GRM5: variants seen among roughly 807,000 people sequenced by gnomAD.
The protein encoded by GRM5 is metabotropic glutamate receptor 5.
A neutral mutation model predicts 83.1 loss-of-function variants in GRM5; 19 were observed. That is an observed-to-expected ratio of 0.23 (90% CI 0.16 to 0.34). The LOEUF is 0.34. Ranked by LOEUF, GRM5 falls within the 10% of genes least tolerant of loss-of-function variation. GRM5 has a pLI of 1.00. For missense variants in GRM5, 1,160 were observed against 1,588.3 expected, an observed-to-expected ratio of 0.73 and a Z score of 4.58; for synonymous variants, 675 against 633.6, an observed-to-expected ratio of 1.07 and a Z score of -0.98.
chr11:88,843,847 TA>T (rs1420429673), intron 3 of GRM5, among the ~76,000 whole-genome samples: 1 of 152,220 alleles, frequency 6.6e-6, no homozygotes, highest in Non-Finnish European at 1.5e-5. Flanking sequence ...AACATTCTTG[TA>T]AACCAAAATT....
At chr11:88,670,748 C>T (rs1226023615) in intron 3 of GRM5, among the ~76,000 whole-genome samples, 1 of 151,954 alleles carries the variant, frequency 6.6e-6, no homozygotes, top group Non-Finnish European at 1.5e-5. Context: ...AAAACCACTA[C>T]GAATAGCACT....
chr11:88,604,040 A>G (rs941401100), intron 5 of GRM5, among the ~76,000 whole-genome samples: 1 of 152,152 alleles, frequency 6.6e-6, no homozygotes, highest in Non-Finnish European at 1.5e-5. Flanking sequence ...TAAGTCTTAA[A>G]TGACTATGTA....
At chr11:88,823,238 A>G (rs970570771) in intron 3 of GRM5, among the ~76,000 whole-genome samples, 4 of 151,016 alleles carry the variant, frequency 2.6e-5, no homozygotes, top group African/African-American at 9.7e-5. Context: ...TTTGTGGAAT[A>G]TAATAATGTA....
At chr11:88,648,941 T>TAAA (rs1203126047) in intron 4 of GRM5, among the ~76,000 whole-genome samples, 1,287 of 150,828 alleles carry the variant, frequency 8.5e-3, no homozygotes, top group African/African-American at 0.03. Flanking sequence ...TTTAAACTGA[T>TAAA]GCAATTCTTT....
Position 88,509,088 on chromosome 11 carries a change from G to T in GRM5, c.3143C>A (p.Ala1048Glu), listed in dbSNP as rs1160057536. The T allele has an allele frequency of 5.8e-6, 9 of 1,550,052 alleles. No individual in the cohort carries two copies. The highest frequency in any genetic ancestry group is 7.0e-6 in the Non-Finnish European group (8 of 1,147,290). ...GGAGCCCTGCGAGGAGCTGCTGCGC[G>T]CCACAGGCTCCGAGTGCAGCGACGG... Reference protein sequence around the residue: ...DVPSLHSEPVARSSSSQGSLM... With the variant: ...DVPSLHSEPVERSSSSQGSLM... Residue 1048 changes from alanine to glutamate, a missense_variant, in exon 10 of 10, where the codon GCG becomes GAG. Physicochemically the swap from Ala to Glu is moderately radical, Grantham distance 107. Coordinates refer to ENST00000305447, the MANE Select transcript of GRM5 (RefSeq NM_001143831.3).
chr11:88,865,775 G>T lies in GRM5; in HGVS notation c.662-15620C>A, dbSNP rs145243692. Among the ~76,000 whole-genome samples the T allele has an allele frequency of 9.2e-3, 1,395 of 152,066 alleles. 19 individuals carry two copies. Among genetic ancestry groups the T allele is most frequent in the African/African-American group, 0.032 (1,315 of 41,524 alleles). ...TATGAACAGACATTTCGCAAAAGAA[G>T]ACATTTATGCAGCCAACAAACATAT... is the stretch of plus-strand genomic sequence containing the variant. On this transcript the variant is annotated intron_variant, in intron 2 of 9. Transcript: ENST00000305447.
intron 2 of GRM5, among the ~76,000 whole-genome samples, chr11:89,020,206 T>A (rs1940949040): frequency 6.6e-6 from 1 of 152,228 alleles, no homozygotes; most frequent in Non-Finnish European, 1.5e-5. Context: ...AAGTCTCAGA[T>A]AACACAAAAT....
At chr11:88,673,077 A>C (rs1160812207) in intron 3 of GRM5, among the ~76,000 whole-genome samples, 3 of 152,012 alleles carry the variant, frequency 2.0e-5, no homozygotes, top group Non-Finnish European at 4.4e-5. Flanking sequence ...TTTCACAGAA[A>C]TTTAAAATGT....
intron 2 of GRM5, among the ~76,000 whole-genome samples, chr11:89,001,094 T>C (rs546321793): frequency 2.0e-5 from 3 of 151,666 alleles, no homozygotes; most frequent in Non-Finnish European, 2.9e-5. Context: ...TTCATGAAAA[T>C]GTAAAATAAC....
At chr11:88,985,830 C>T (rs1379278291) in intron 2 of GRM5, among the ~76,000 whole-genome samples, 1 of 152,074 alleles carries the variant, frequency 6.6e-6, no homozygotes, top group East Asian at 1.9e-4. Flanking sequence ...AAGTGAAAAT[C>T]AGGGTAAGTT....
At chr11:88,911,458 A>G (rs633204) in intron 2 of GRM5, among the ~76,000 whole-genome samples, 80,308 of 151,968 alleles carry the variant, frequency 0.53, 21,932 homozygotes, top group South Asian at 0.67. Flanking sequence ...GAAAGCATAT[A>G]GATTTTTTGT....
At position 88,900,520 on chromosome 11, in the gene GRM5, G is replaced by C. The variant is rs147802212; in HGVS notation, c.662-50365C>G. Among the ~76,000 whole-genome samples, 1,141 of 152,178 alleles carry C rather than the reference G, an allele frequency of 7.5e-3. 26 individuals are homozygous for C. Among genetic ancestry groups the C allele is most frequent in the East Asian group, 0.074 (384 of 5,176 alleles). On this transcript the variant is annotated intron_variant, in intron 2 of 9. Transcript: ENST00000305447. ...AACTGAAAATATTATATACCTAAAA[G>C]CATGTTGGTTAAAATGATCATTTTG... is the stretch of plus-strand genomic sequence containing the variant.
In GRM5 at chr11:88,954,832, C is replaced by G. The variant is rs186599357; in HGVS notation, c.661+92380G>C. 9.9e-4 allele frequency among the ~76,000 whole-genome samples: 150 copies of G among 152,124 alleles called. 1 individual carries two copies. Among genetic ancestry groups the G allele is most frequent in the African/African-American group, 3.5e-3 (145 of 41,512 alleles). On this transcript the variant is annotated intron_variant, in intron 2 of 9. Coordinates refer to ENST00000305447, the MANE Select transcript of GRM5 (RefSeq NM_001143831.3). ...CTGTTAATTGTTCTAACCTTAAAGC[C>G]TGGTGGTAGGCATGGTACATTGTGG... is the stretch of plus-strand genomic sequence containing the variant.
chr11:88,556,330 T>G (rs796815688), intron 8 of GRM5, among the ~76,000 whole-genome samples: 7 of 149,356 alleles, frequency 4.7e-5, no homozygotes, highest in African/African-American at 1.7e-4. Context: ...TTTTCTTTTT[T>G]TTTTTTTTTT....
chr11:88,879,458 G>A (rs1944914532), intron 2 of GRM5, among the ~76,000 whole-genome samples: 1 of 151,390 alleles, frequency 6.6e-6, no homozygotes. Flanking sequence ...ATAAAAAATG[G>A]CAATGCTAGT....
intron 3 of GRM5, among the ~76,000 whole-genome samples, chr11:88,795,145 G>C (rs1302228943): frequency 2.0e-5 from 3 of 152,218 alleles, no homozygotes; most frequent in Non-Finnish European, 4.4e-5. Flanking sequence ...GAGAGGGATT[G>C]AGATCTCCAC....
At chr11:88,682,321 C>T (rs953765608) in intron 3 of GRM5, among the ~76,000 whole-genome samples, 5 of 152,268 alleles carry the variant, frequency 3.3e-5, no homozygotes, top group Non-Finnish European at 7.4e-5. Flanking sequence ...TGTAAAGCAG[C>T]ATCATGCAAC....
intron 2 of GRM5, among the ~76,000 whole-genome samples, chr11:88,888,285 G>T (rs1402733185): frequency 6.6e-6 from 1 of 152,126 alleles, no homozygotes; most frequent in Non-Finnish European, 1.5e-5. Context: ...AACCCTAACT[G>T]CAGCTAAAAC....
At chr11:88,597,439 G>T in intron 5 of GRM5, 87 bp from the exon 6 acceptor site, 1 of 687,282 alleles carries the variant, frequency 1.5e-6, no homozygotes, top group Non-Finnish European at 2.4e-6. Context: ...CCAAAAATGT[G>T]TCTATTGTCA....
Sources: gnomAD v4.1 joint callset for allele counts (sites outside exome capture counted in the v4.1 genomes callset) on GRCh38, gnomAD v4.1.1 for gene constraint, MANE v1.5 for transcripts, NCBI Gene and HGNC (gene_info 2026-07-23, HGNC 2026-07-21) for gene names.